KCNIP4: variants seen among roughly 807,000 people sequenced by gnomAD.
KCNIP4 encodes potassium voltage-gated channel interacting protein 4.
A neutral mutation model predicts 34.0 loss-of-function variants in KCNIP4; 12 were observed. The ratio of observed to expected loss-of-function variants is 0.35; its 90% CI spans 0.23 to 0.57. KCNIP4 has a LOEUF of 0.57. KCNIP4 is among the 20% of genes least tolerant of loss of function. The pLI is 0.83. For missense variants in KCNIP4, 238 were observed against 311.7 expected, an observed-to-expected ratio of 0.76 and a Z score of 1.78; for synonymous variants, 124 against 102.2, an observed-to-expected ratio of 1.21 and a Z score of -1.29.
chr4:21,941,964 G>A (rs569539535), intron 1 of KCNIP4, among the ~76,000 whole-genome samples: 32 of 152,236 alleles, frequency 2.1e-4, no homozygotes, highest in South Asian at 4.2e-4. Flanking sequence ...GCATGTGTGC[G>A]CATATAGCAC....
At chr4:21,841,648 T>C (rs1455145703) in intron 1 of KCNIP4, among the ~76,000 whole-genome samples, 1 of 152,110 alleles carries the variant, frequency 6.6e-6, no homozygotes, top group African/African-American at 2.4e-5. Context: ...TCCAAGCAAA[T>C]CATTGAACCA....
At chr4:21,286,801 A>G (rs1330328404) in intron 1 of KCNIP4, among the ~76,000 whole-genome samples, 1 of 152,218 alleles carries the variant, frequency 6.6e-6, no homozygotes, top group Non-Finnish European at 1.5e-5. Context: ...GACAAATTAT[A>G]GCATGTAAAC....
intron 1 of KCNIP4, among the ~76,000 whole-genome samples, chr4:21,201,391 C>T (rs928961800): frequency 2.6e-5 from 4 of 152,156 alleles, no homozygotes; most frequent in Non-Finnish European, 5.9e-5. Flanking sequence ...GATTAAATGT[C>T]AGAGAAGAAT....
chr4:21,259,885 C>CTGTGTTTGTGTGTG (rs1761338510), intron 1 of KCNIP4, among the ~76,000 whole-genome samples: 1 of 145,906 alleles, frequency 6.9e-6, no homozygotes, highest in Non-Finnish European at 1.5e-5. Flanking sequence ...GCGCCCAAGA[C>CTGTGTTTGTGTGTG]TGTGTGTGTG....
At chr4:21,868,428 A>G (rs1420762633) in intron 1 of KCNIP4, among the ~76,000 whole-genome samples, 2 of 152,214 alleles carry the variant, frequency 1.3e-5, no homozygotes, top group Non-Finnish European at 2.9e-5. Context: ...TTAGAGTGGA[A>G]CCTGATAGCC....
chr4:21,291,142 TC>T (rs919374320), intron 1 of KCNIP4, among the ~76,000 whole-genome samples: 2 of 152,168 alleles, frequency 1.3e-5, no homozygotes, highest in African/African-American at 4.8e-5. Flanking sequence ...TTTCACAATG[TC>T]CCTCCTTCTG....
At chr4:21,260,866 C>T (rs1761424806) in intron 1 of KCNIP4, among the ~76,000 whole-genome samples, 1 of 152,160 alleles carries the variant, frequency 6.6e-6, no homozygotes, top group Non-Finnish European at 1.5e-5. Context: ...TAAGATCAAA[C>T]AGATAAGCAG....
chr4:20,747,130 G>A (rs955986024), intron 5 of KCNIP4, among the ~76,000 whole-genome samples: 1 of 152,056 alleles, frequency 6.6e-6, no homozygotes, highest in African/African-American at 2.4e-5. Flanking sequence ...AACGTTCATT[G>A]CAATTACTGG....
At chr4:20,868,473 C>T (rs1322053657) in intron 2 of KCNIP4, among the ~76,000 whole-genome samples, 1 of 152,070 alleles carries the variant, frequency 6.6e-6, no homozygotes, top group Non-Finnish European at 1.5e-5. Flanking sequence ...TTTGACCCAG[C>T]AATCACATTA....
At chr4:20,848,705 A>T (rs1342985385) in intron 3 of KCNIP4, among the ~76,000 whole-genome samples, 1 of 152,170 alleles carries the variant, frequency 6.6e-6, no homozygotes, top group Non-Finnish European at 1.5e-5. Context: ...TGGAATAATA[A>T]CATAGCAGCA....
chr4:21,932,859 T>C (rs1439191502), intron 1 of KCNIP4, among the ~76,000 whole-genome samples: 1 of 146,064 alleles, frequency 6.8e-6, no homozygotes, highest in Non-Finnish European at 1.5e-5. Context: ...TACATCTAAA[T>C]GTATACATGT....
chr4:21,147,997 A>T (rs887817723), intron 1 of KCNIP4, among the ~76,000 whole-genome samples: 2 of 148,664 alleles, frequency 1.3e-5, no homozygotes, highest in African/African-American at 4.9e-5. Flanking sequence ...TAATAGTAAG[A>T]GGAATTAAAA....
intron 1 of KCNIP4, among the ~76,000 whole-genome samples, chr4:21,138,565 C>T (rs1233471894): frequency 1.3e-5 from 2 of 151,836 alleles, no homozygotes; most frequent in Non-Finnish European, 2.9e-5. Flanking sequence ...CATTGTTTTA[C>T]ATCCCTGTGG....
intron 1 of KCNIP4, among the ~76,000 whole-genome samples, chr4:21,894,050 G>C (rs977138178): frequency 2.6e-5 from 4 of 151,906 alleles, no homozygotes; most frequent in Non-Finnish European, 5.9e-5. Flanking sequence ...AAAACAATGA[G>C]GCCAGGCAGG....
At chr4:21,516,958 G>C (rs1734818539) in intron 1 of KCNIP4, among the ~76,000 whole-genome samples, 1 of 152,148 alleles carries the variant, frequency 6.6e-6, no homozygotes, top group Non-Finnish European at 1.5e-5. Flanking sequence ...CCAAAGACTG[G>C]TGGAGGATTG....
chr4:21,943,122 T>C (rs1240817377), intron 1 of KCNIP4, among the ~76,000 whole-genome samples: 1 of 152,218 alleles, frequency 6.6e-6, no homozygotes, highest in Admixed American at 6.5e-5. Context: ...AATTAGTAAT[T>C]CTTGCATGGT....
chr4:21,334,838 G>A (rs1716014213), intron 1 of KCNIP4, among the ~76,000 whole-genome samples: 1 of 152,056 alleles, frequency 6.6e-6, no homozygotes, highest in Non-Finnish European at 1.5e-5. Context: ...GCATGTCTCA[G>A]TTTGCTTCTA....
intron 1 of KCNIP4, among the ~76,000 whole-genome samples, chr4:21,010,054 C>T (rs1167444163): frequency 6.6e-6 from 1 of 152,130 alleles, no homozygotes; most frequent in Non-Finnish European, 1.5e-5. Flanking sequence ...CCTAACCCAA[C>T]CCTAATTACT....
intron 1 of KCNIP4, among the ~76,000 whole-genome samples, chr4:21,285,465 T>G (rs1763063416): frequency 1.3e-5 from 2 of 152,118 alleles, no homozygotes; most frequent in South Asian, 2.1e-4. Flanking sequence ...CAAGAAAAAT[T>G]TGATGTTAGG....
Sources: allele counts gnomAD v4.1 joint callset (sites outside exome capture counted in the v4.1 genomes callset), GRCh38; gene constraint gnomAD v4.1.1; transcripts MANE v1.5; gene names NCBI Gene and HGNC (gene_info 2026-07-23, HGNC 2026-07-21).